Variants in ERCC8 observed in about 807,000 individuals in gnomAD.
ERCC8 encodes DNA excision repair protein ERCC-8.
Under a neutral mutation model 54.9 loss-of-function variants are expected in ERCC8, and 52 were observed. The ratio of observed to expected loss-of-function variants is 0.95; its 90% CI spans 0.76 to 1.19. ERCC8 has a LOEUF of 1.19. Ranked by LOEUF, ERCC8 falls within the 50% of genes most tolerant of loss-of-function variation. The pLI is 0.00. For synonymous variants in ERCC8, 146 were observed against 157.2 expected, an observed-to-expected ratio of 0.93 and a Z score of 0.53; for missense variants, 514 against 466.1, an observed-to-expected ratio of 1.10 and a Z score of -0.95.
chr5:60,944,188 G>C (rs1358026282), intron 1 of ERCC8, among the ~76,000 whole-genome samples: 3 of 151,932 alleles, frequency 2.0e-5, no homozygotes, highest in Non-Finnish European at 4.4e-5. Flanking sequence ...AATTTCCATG[G>C]CCTGTTGATT....
intron 8 of ERCC8, 30 bp downstream of exon 8, chr5:60,899,594 CATT>C: frequency 6.9e-7 from 1 of 1,458,464 alleles, no homozygotes. Context: ...AAAATACTAT[CATT>C]GTCATATTTA....
rs545665253 is a variant in ERCC8 at position 60,881,561 on chromosome 5, G to A, written c.1122+5879C>T. On this transcript the variant is annotated intron_variant, in intron 11 of 11. Transcript: ENST00000676185. ...TACCTACTCAAGCCTCAGCAATGGC[G>A]GGCGCCCCTCCCCCAGCCTGGCTGC... Among the ~76,000 whole-genome samples, 10 of 152,296 alleles carry A rather than the reference G, an allele frequency of 6.6e-5. No individual in the cohort carries two copies. In the South Asian group the frequency reaches 1.0e-3, roughly 16 times the overall value.
intron 4 of ERCC8, chr5:60,907,201 C>CA (rs2112498672): frequency 6.6e-6 from 1 of 152,308 alleles, no homozygotes; most frequent in South Asian, 2.1e-4. Flanking sequence ...TATACCAACT[C>CA]AGTCACAACA....
At position 60,874,657 on chromosome 5, in the gene ERCC8, C is replaced by T. The variant is rs543517781; in HGVS notation, c.1149G>A (p.Pro383=). 2.7e-5 allele frequency: 44 copies of T among 1,610,466 alleles called. No individual in the cohort carries two copies. The highest frequency in any genetic ancestry group is 1.5e-4 in the African/African-American group (11 of 74,320). Residue 383 remains proline, a synonymous_variant, in exon 12 of 12, where the codon CCG becomes CCA. Transcript: ENST00000676185. The stretch of plus-strand genomic sequence containing the variant: ...TGCTGCTCCAGGCATCTTCAAAGGC[C>T]GGATTTAATTGTGATTTTGTTGTAG... The part of the protein sequence containing the change: ...DETTTKSQLN[P]AFEDAWSSSD...
chr5:60,875,893 C>CT (rs10661271), intron 11 of ERCC8, among the ~76,000 whole-genome samples: 18,423 of 151,118 alleles, frequency 0.12, 2,329 homozygotes, highest in African/African-American at 0.32. Flanking sequence ...TTTATTTTTT[C>CT]TTTTTTTTAT....
intron 3 of ERCC8, 81 bp downstream of exon 3, chr5:60,921,973 G>A (rs1000503279): frequency 2.9e-5 from 27 of 933,390 alleles, no homozygotes; most frequent in Non-Finnish European, 4.3e-5. Flanking sequence ...TCACTTGACT[G>A]CAATTTTCAT....
chr5:60,876,559 A>C lies in ERCC8; in HGVS notation c.1123-1876T>G, dbSNP rs549408158. On this transcript the variant is annotated intron_variant, in intron 11 of 11. Transcript: ENST00000676185. ...AGCACCTGTTGTTCCCTGACTTTTT[A>C]ATGATCACCATTCTAACTGGTGTGA... is the stretch of plus-strand genomic sequence containing the variant. Among the ~76,000 whole-genome samples, 15 of 152,278 alleles carry C rather than the reference A, an allele frequency of 9.9e-5. No homozygotes were observed. In the South Asian group the frequency reaches 3.1e-3, roughly 32 times the overall value.
rs147087674 is a variant in ERCC8 at position 60,933,160 on chromosome 5, T to C, written c.78-4201A>G. Among the ~76,000 whole-genome samples the C allele has an allele frequency of 3.3e-3, 509 of 152,004 alleles. 4 individuals are homozygous for C. Among genetic ancestry groups the C allele is most frequent in the African/African-American group, 0.012 (493 of 41,478 alleles). On this transcript the variant is annotated intron_variant, in intron 1 of 11. Coordinates refer to ENST00000676185, the MANE Select transcript of ERCC8 (RefSeq NM_000082.4). ...TTGTTTTAATGTTTTAAATGGCTTT[T>C]ATAGGATGTATATTATATGTATGTA...
chr5:60,926,858 T>C (rs1401670116), intron 2 of ERCC8, among the ~76,000 whole-genome samples: 3 of 152,254 alleles, frequency 2.0e-5, no homozygotes, highest in Admixed American at 6.5e-5. Flanking sequence ...TTAATTGATA[T>C]GGTATTTACA....
chr5:60,893,318 C>T, intron 9 of ERCC8: 8 of 880,722 alleles, frequency 9.1e-6, no homozygotes, highest in Non-Finnish European at 1.4e-5. Flanking sequence ...CTCCTCCTGG[C>T]GTCTTAGGAT....
Position 60,873,822 on chromosome 5 carries a change from G to A in ERCC8, c.*793C>T, listed in dbSNP as rs1747918935. 6.6e-6 allele frequency: 1 copy of A among 152,198 alleles called. No individual in the cohort carries two copies. The highest frequency in any genetic ancestry group is 2.4e-5 in the African/African-American group (1 of 41,444). The allele number at this position is 152,198 out of a possible 1,614,324, so 9.4% of individuals were successfully genotyped here. Reference sequence around the variant, plus strand: ...CCTTCATGATAATCACGTGTGGGTTGACACAGACGGAGACAATAACATAGA... The same window carrying A: ...CCTTCATGATAATCACGTGTGGGTTAACACAGACGGAGACAATAACATAGA... On this transcript the variant is annotated 3_prime_UTR_variant, in exon 12 of 12. Coordinates refer to ENST00000676185, the MANE Select transcript of ERCC8 (RefSeq NM_000082.4).
intron 11 of ERCC8, among the ~76,000 whole-genome samples, chr5:60,881,285 C>T (rs1748212556): frequency 6.6e-6 from 1 of 152,154 alleles, no homozygotes; most frequent in Non-Finnish European, 1.5e-5. Flanking sequence ...GGGGGTGCCT[C>T]ACAGTTAGGC....
intron 4 of ERCC8, chr5:60,917,360 A>T (rs1315982401): frequency 6.6e-6 from 1 of 152,138 alleles, no homozygotes; most frequent in Non-Finnish European, 1.5e-5. Context: ...GAAAACTGGT[A>T]GAACATAGGA....
At chr5:60,928,583 T>C (rs1749818072) in intron 2 of ERCC8, among the ~76,000 whole-genome samples, 1 of 152,218 alleles carries the variant, frequency 6.6e-6, no homozygotes, top group South Asian at 2.1e-4. Flanking sequence ...AGACACATTC[T>C]AGCACCTAAA....
At chr5:60,936,264 GA>G (rs1750063278) in intron 1 of ERCC8, among the ~76,000 whole-genome samples, 1 of 152,050 alleles carries the variant, frequency 6.6e-6, no homozygotes, top group African/African-American at 2.4e-5. Context: ...GTATTTCCAG[GA>G]ATTTATTCAT....
chr5:60,940,018 C>A (rs1750211359), intron 1 of ERCC8, among the ~76,000 whole-genome samples: 2 of 152,050 alleles, frequency 1.3e-5, no homozygotes, highest in Non-Finnish European at 1.5e-5. Context: ...AATTCTTTTT[C>A]TTTATTACTA....
rs1186819053 is a variant in ERCC8 at position 60,904,632 on chromosome 5, GTGTATATATA to G, written c.481+150_481+159del. ...TGTTGAATATATATAGTGTGTGTGT[GTGTATATATA>G]TATATATATATATATATATATATAT... On this transcript the variant is annotated intron_variant, in intron 5 of 11. Transcript: ENST00000676185. 1.6e-3 allele frequency among the ~76,000 whole-genome samples: 58 copies of G among 35,862 alleles called. 2 individuals are homozygous for G. Among genetic ancestry groups the G allele is most frequent in the East Asian group, 5.2e-3 (2 of 384 alleles). 23.5% of individuals were successfully genotyped at this position (35,862 alleles called of 152,430 possible).
Position 60,867,920 on chromosome 5 carries a change from C to A in ERCC8, c.*6695G>T, listed in dbSNP as rs899501874. 1.3e-5 allele frequency among the ~76,000 whole-genome samples: 2 copies of A among 152,222 alleles called. No individual in the cohort carries two copies. Among genetic ancestry groups the A allele is most frequent in the Non-Finnish European group, 2.9e-5 (2 of 68,046 alleles). On this transcript the variant is annotated 3_prime_UTR_variant, in exon 12 of 12. Coordinates refer to ENST00000676185, the MANE Select transcript of ERCC8 (RefSeq NM_000082.4). ...TACAGGCTGGCCGCGGTGGCTCATG[C>A]CTGTAATCCCTGCACTTTGGGAGGT... is the stretch of plus-strand genomic sequence containing the variant.
chr5:60,943,161 C>T (rs573984654), intron 1 of ERCC8, among the ~76,000 whole-genome samples: 1 of 151,920 alleles, frequency 6.6e-6, no homozygotes, highest in Non-Finnish European at 1.5e-5. Context: ...GTCCCAGCTA[C>T]TTAGGAGGAT....
Sources: allele counts gnomAD v4.1 joint callset (sites outside exome capture counted in the v4.1 genomes callset), GRCh38; gene constraint gnomAD v4.1.1; transcripts MANE v1.5; gene names NCBI Gene and HGNC (gene_info 2026-07-23, HGNC 2026-07-21).